MSRB3: variants seen among roughly 807,000 people sequenced by gnomAD.
MSRB3 encodes methionine sulfoxide reductase B3.
MSRB3 carries 13 observed loss-of-function variants against 21.0 expected under a neutral mutation model. The observed-to-expected ratio is 0.62, with a 90% CI of 0.40 to 0.98. The LOEUF is 0.98. MSRB3 is among the 50% of genes least tolerant of loss of function. The pLI, the probability that MSRB3 is intolerant of heterozygous loss-of-function variation, is 0.00. For synonymous variants in MSRB3, 87 were observed against 88.6 expected (o/e 0.98, Z 0.10); for missense variants, 199 against 230.3 (o/e 0.86, Z 0.88).
chr12:65,398,691 G>A (rs1159340941), intron 5 of MSRB3, among the ~76,000 whole-genome samples: 1 of 152,138 alleles, frequency 6.6e-6, no homozygotes, highest in Non-Finnish European at 1.5e-5. Context: ...CCATGAGTAT[G>A]TCTGAATGGT....
chr12:65,362,797 G>A (rs1291331018), intron 4 of MSRB3, among the ~76,000 whole-genome samples: 3 of 152,056 alleles, frequency 2.0e-5, no homozygotes, highest in Admixed American at 6.6e-5. Context: ...AGCATTCCAC[G>A]CAGAGGAAGC....
intron 2 of MSRB3, chr12:65,316,011 A>G (rs936108397): frequency 6.6e-6 from 1 of 152,154 alleles, no homozygotes; most frequent in Non-Finnish European, 1.5e-5. Context: ...TAATGTTTTA[A>G]TCTTCCTTCT....
At chr12:65,356,991 A>T (rs1174288773) in intron 4 of MSRB3, among the ~76,000 whole-genome samples, 1 of 151,878 alleles carries the variant, frequency 6.6e-6, no homozygotes, top group African/African-American at 2.4e-5. Context: ...CCTGTGTCGG[A>T]CCATGCAGCT....
intron 4 of MSRB3, among the ~76,000 whole-genome samples, chr12:65,357,864 A>G (rs2136510723): frequency 6.6e-6 from 1 of 152,090 alleles, no homozygotes; most frequent in South Asian, 2.1e-4. Flanking sequence ...ACAACACGTC[A>G]TCACTTTTGA....
chr12:65,338,288 G>A (rs1875915346), intron 4 of MSRB3, among the ~76,000 whole-genome samples: 1 of 152,182 alleles, frequency 6.6e-6, no homozygotes, highest in South Asian at 2.1e-4. Context: ...TTTGGGAAGG[G>A]ACGTTTGGTA....
At chr12:65,335,383 A>T (rs1222696577) in intron 4 of MSRB3, among the ~76,000 whole-genome samples, 1 of 152,174 alleles carries the variant, frequency 6.6e-6, no homozygotes, top group Non-Finnish European at 1.5e-5. Flanking sequence ...CTGCTGCAAG[A>T]CTGTTCACAC....
chr12:65,442,237 A>G (rs939449149), intron 5 of MSRB3, among the ~76,000 whole-genome samples: 6 of 151,954 alleles, frequency 3.9e-5, no homozygotes, highest in African/African-American at 1.2e-4. Flanking sequence ...AAATTTAGAT[A>G]AGGGAAAGAA....
At chr12:65,308,923 A>G (rs1873819021) in intron 2 of MSRB3, 3 of 512,036 alleles carry the variant, frequency 5.9e-6, no homozygotes, top group Non-Finnish European at 1.1e-5. Context: ...TTTAATGCAC[A>G]CTACACATCT....
intron 5 of MSRB3, among the ~76,000 whole-genome samples, chr12:65,446,313 G>C (rs758845988): frequency 1.3e-5 from 2 of 152,192 alleles, no homozygotes; most frequent in African/African-American, 4.8e-5. Context: ...TGTCATAAAA[G>C]TTTGTGTTAA....
chr12:65,350,459 C>G (rs1203002542), intron 4 of MSRB3, among the ~76,000 whole-genome samples: 1 of 150,708 alleles, frequency 6.6e-6, no homozygotes, highest in Non-Finnish European at 1.5e-5. Context: ...TCACACGTAA[C>G]AATATTAACT....
chr12:65,361,887 G>A (rs1877729203), intron 4 of MSRB3, among the ~76,000 whole-genome samples: 1 of 151,890 alleles, frequency 6.6e-6, no homozygotes, highest in Non-Finnish European at 1.5e-5. Context: ...TAAATTTCTG[G>A]GTTTTAAAAT....
intron 4 of MSRB3, among the ~76,000 whole-genome samples, chr12:65,349,341 C>T (rs1336597225): frequency 1.3e-5 from 2 of 151,836 alleles, no homozygotes; most frequent in African/African-American, 2.4e-5. Context: ...CAAGTCTTTG[C>T]TATTGTGAAT....
chr12:65,349,158 A>G (rs1309341641), intron 4 of MSRB3, among the ~76,000 whole-genome samples: 1 of 151,498 alleles, frequency 6.6e-6, no homozygotes, highest in Admixed American at 6.6e-5. Context: ...AATATGCAGT[A>G]TTTGGTTTTT....
At chr12:65,455,130 T>C (rs1331760627) in intron 6 of MSRB3, among the ~76,000 whole-genome samples, 1 of 152,088 alleles carries the variant, frequency 6.6e-6, no homozygotes, top group East Asian at 1.9e-4. Context: ...TATCCATTTT[T>C]CTTTAACCCC....
In MSRB3 at chr12:65,363,893, G is replaced by A. The variant is rs542758106; in HGVS notation, c.264-5105G>A. Among the ~76,000 whole-genome samples, 5 of 152,270 alleles carry A rather than the reference G, an allele frequency of 3.3e-5. No individual in the cohort carries two copies. The South Asian group carries it at 1.0e-3, about 32-fold the overall frequency. On this transcript the variant is annotated intron_variant, in intron 4 of 6. Coordinates refer to ENST00000308259, the MANE Select transcript of MSRB3 (RefSeq NM_001031679.3). ...CCCAGCTACTTGGGAGGCTGAGGCA[G>A]GAGAATTGCTTGAACCCGGGAGGTG...
intron 5 of MSRB3, among the ~76,000 whole-genome samples, chr12:65,399,936 A>T (rs896549602): frequency 6.6e-6 from 1 of 152,204 alleles, no homozygotes; most frequent in South Asian, 2.1e-4. Flanking sequence ...CCAGCCTTGC[A>T]TCCCAGGGAT....
intron 5 of MSRB3, among the ~76,000 whole-genome samples, chr12:65,449,794 C>T (rs1882779172): frequency 6.6e-6 from 1 of 152,054 alleles, no homozygotes; most frequent in South Asian, 2.1e-4. Flanking sequence ...TATAGCAATT[C>T]TTGTTAAATT....
At chr12:65,383,987 C>T (rs1271984382) in intron 5 of MSRB3, among the ~76,000 whole-genome samples, 1 of 152,128 alleles carries the variant, frequency 6.6e-6, no homozygotes, top group Non-Finnish European at 1.5e-5. Context: ...AGATATGCTG[C>T]TCGATAACAA....
rs186070787 is a variant in MSRB3, at chr12:65,278,897, C to T, written c.-52+32C>T. The T allele has an allele frequency of 6.4e-4, 986 of 1,547,002 alleles. 5 individuals are homozygous for T. In the African/African-American group the frequency reaches 0.012, roughly 18 times the overall value. On this transcript the variant is annotated intron_variant, in intron 1 of 6. Transcript: ENST00000308259. ...TCGGGCTCCCCTCCCCTCTCCTCCT[C>T]GCCTCACCCCTCCCACCCCGACCCT...
Sources: gnomAD v4.1 joint callset for allele counts (sites outside exome capture counted in the v4.1 genomes callset) on GRCh38, gnomAD v4.1.1 for gene constraint, MANE v1.5 for transcripts, NCBI Gene and HGNC (gene_info 2026-07-23, HGNC 2026-07-21) for gene names.